The following MPHOSPH10 variants were observed in gnomAD, a reference collection of about 807,000 sequenced individuals.
MPHOSPH10 encodes the protein U3 small nucleolar ribonucleoprotein MPP10.
A neutral mutation model predicts 77.3 loss-of-function variants in MPHOSPH10; 33 were observed. The observed-to-expected ratio is 0.43, with a 90% CI of 0.32 to 0.57. The LOEUF (loss-of-function observed/expected upper bound fraction) is 0.57, where lower values mean the gene tolerates loss of function less well. Ranked by LOEUF, MPHOSPH10 falls within the 20% of genes least tolerant of loss-of-function variation. MPHOSPH10 has a pLI of 0.07. For missense variants in MPHOSPH10, 708 were observed against 780.1 expected (o/e 0.91, Z 1.10); for synonymous variants, 245 against 268.0 (o/e 0.91, Z 0.84).
intron 7 of MPHOSPH10, among the ~76,000 whole-genome samples, chr2:71,142,375 TGAG>T (rs1319124989): frequency 1.3e-5 from 2 of 152,228 alleles, no homozygotes; most frequent in African/African-American, 2.4e-5. Context: ...TTTGAATCTT[TGAG>T]GAGATTGGGT....
intron 2 of MPHOSPH10, 120 bp from the exon 3 acceptor site, chr2:71,133,828 C>T (rs1673434548): frequency 5.7e-6 from 5 of 882,364 alleles, no homozygotes; most frequent in South Asian, 4.6e-5. Flanking sequence ...TAGTTATTAG[C>T]TTGTAGTGTT....
intron 5 of MPHOSPH10, chr2:71,139,340 TGTAATCAGCTTTCTTGTAGTAA>T (rs1287207134): frequency 6.4e-6 from 1 of 156,536 alleles, no homozygotes; most frequent in African/African-American, 2.4e-5. Flanking sequence ...ATGTATAGTT[TGTAATCAGCTTTCTTGTAGTAA>T]TCTGTTTTGA....
intron 8 of MPHOSPH10, 85 bp downstream of exon 8, chr2:71,144,623 G>C: frequency 9.8e-7 from 1 of 1,024,996 alleles, no homozygotes; most frequent in Middle Eastern, 2.1e-4. Context: ...TCTTTATTTT[G>C]TTTCAGGATA....
At chr2:71,145,127 C>A (rs547476895) in intron 8 of MPHOSPH10, among the ~76,000 whole-genome samples, 29 of 152,328 alleles carry the variant, frequency 1.9e-4, no homozygotes, top group African/African-American at 7.0e-4. Context: ...AAATGCTCCT[C>A]CCCTGTCTGT....
chr2:71,137,646 G>A (rs753086511), intron 4 of MPHOSPH10, among the ~76,000 whole-genome samples: 3 of 129,536 alleles, frequency 2.3e-5, no homozygotes, highest in Admixed American at 8.9e-5. Flanking sequence ...GCAACTGAGC[G>A]AGACTGTCTC....
chr2:71,134,404 A>T (rs894994603), intron 3 of MPHOSPH10, among the ~76,000 whole-genome samples: 11 of 152,142 alleles, frequency 7.2e-5, no homozygotes, highest in Non-Finnish European at 1.2e-4. Context: ...TTGATGAATA[A>T]TTTATTTTCT....
Position 71,132,930 on chromosome 2 carries a change from C to T in MPHOSPH10, c.122C>T (p.Ser41Phe). The T allele has an allele frequency of 1.2e-6, 2 of 1,611,070 alleles. No individual in the cohort carries two copies. Among genetic ancestry groups the T allele is most frequent in the Non-Finnish European group, 8.5e-7 (1 of 1,178,198 alleles). ...GAGGGATTGGCATCAAAGTTCACTT[C>T]TTTAACAAAAGTGCTTTATGACTTT... ...IQEGLASKFT[S>F]LTKVLYDFNK... Residue 41 changes from serine (S) to phenylalanine (F), a missense_variant, in exon 2 of 11, where the codon TCT (serine) becomes TTT (phenylalanine). Transcript: ENST00000244230.
intron 4 of MPHOSPH10, among the ~76,000 whole-genome samples, chr2:71,136,848 C>CTTTTTTTTTTTTTTTTTTTTTTTTTTT (rs60456435): frequency 8.4e-6 from 1 of 118,644 alleles, no homozygotes; most frequent in African/African-American, 3.2e-5. Flanking sequence ...AACTTTCAAC[C>CTTTTTTTTTTTTTTTTTTTTTTTTTTT]TTTTTTTTTT....
At chr2:71,145,510 T>G (rs1572901212) in intron 8 of MPHOSPH10, among the ~76,000 whole-genome samples, 2 of 38,286 alleles carry the variant, frequency 5.2e-5, no homozygotes, top group South Asian at 1.0e-3. Context: ...GTTTGTTTGG[T>G]TTTTTTTTTG....
rs748840404 is a variant in MPHOSPH10, at chr2:71,141,379, C to G, written c.1446+10C>G. ...CATCAAACTCAACCAGGTGAGGAAG[C>G]CTGTAAGGCCAAGCCATTATTATTA... On this transcript the variant is annotated intron_variant, in intron 7 of 10. Transcript: ENST00000244230. 2 of 1,499,982 alleles carry G rather than the reference C, an allele frequency of 1.3e-6. No individual in the cohort carries two copies. Among genetic ancestry groups the G allele is most frequent in the African/African-American group, 1.4e-5 (1 of 69,816 alleles). The allele number at this position is 1,499,982 out of a possible 1,614,324, so 92.9% of individuals were successfully genotyped here.
At position 71,133,246 on chromosome 2, in the gene MPHOSPH10, TGAA is replaced by T; in HGVS notation, c.439_441del (p.Glu147del). 1 of 1,614,100 alleles carries T rather than the reference TGAA, an allele frequency of 6.2e-7. No homozygotes were observed. ...TGTCCGACATGGGTAATGATGATCCTGAAATGGGTGAGAGAGCTGAAAACTCAA... is the reference window on the plus strand; with the variant it reads ...TGTCCGACATGGGTAATGATGATCCTATGGGTGAGAGAGCTGAAAACTCAA... On this transcript the variant is annotated inframe_deletion, in exon 2 of 11. Coordinates refer to ENST00000244230, the MANE Select transcript of MPHOSPH10 (RefSeq NM_005791.3).
At chr2:71,147,509 T>TA (rs1255037542) in intron 8 of MPHOSPH10, among the ~76,000 whole-genome samples, 1 of 151,952 alleles carries the variant, frequency 6.6e-6, no homozygotes, top group Non-Finnish European at 1.5e-5. Flanking sequence ...CCATCTCTAC[T>TA]AAAAATACAA....
intron 5 of MPHOSPH10, 49 bp from the exon 6 acceptor site, chr2:71,139,746 A>G (rs357754): frequency 0.32 from 424,891 of 1,336,214 alleles, 68,948 homozygotes; most frequent in Admixed American, 0.42. Flanking sequence ...CACTGAATCA[A>G]TGGTCTAGTG....
intron 8 of MPHOSPH10, among the ~76,000 whole-genome samples, chr2:71,145,267 T>C (rs895710993): frequency 3.9e-5 from 6 of 152,208 alleles, no homozygotes; most frequent in African/African-American, 1.2e-4. Context: ...CTTTGGTGCC[T>C]GTGTTGTTGT....
Position 71,136,913 on chromosome 2 carries a change from A to AACACACACACAC in MPHOSPH10, c.1099-1541_1099-1530dup, listed in dbSNP as rs56768441. Among the ~76,000 whole-genome samples the AACACACACACAC allele has an allele frequency of 6.9e-4, 82 of 119,076 alleles. 1 individual carries two copies. The highest frequency in any genetic ancestry group is 1.0e-3 in the African/African-American group (30 of 29,072). 78.1% of individuals were successfully genotyped at this position (119,076 alleles called of 152,430 possible). On this transcript the variant is annotated intron_variant, in intron 4 of 10. Transcript: ENST00000244230. ...CCAAACCTGACAGAGGTAGCATTAA[A>AACACACACACAC]ACACACACACACACACACACACACA...
At chr2:71,140,770 CT>C (rs1329315267) in intron 6 of MPHOSPH10, among the ~76,000 whole-genome samples, 2 of 152,108 alleles carry the variant, frequency 1.3e-5, no homozygotes, top group Non-Finnish European at 2.9e-5. Flanking sequence ...TTTGCCTACA[CT>C]TGTGGGTCTA....
At chr2:71,144,564 T>C (rs894477790) in intron 8 of MPHOSPH10, 26 bp downstream of exon 8, 1 of 1,535,924 alleles carries the variant, frequency 6.5e-7, no homozygotes, top group South Asian at 1.1e-5. Flanking sequence ...GTTCAGTGTG[T>C]AGCTAGAGCA....
chr2:71,134,907 C>T lies in MPHOSPH10; in HGVS notation c.1098+110C>T, dbSNP rs528673735. 86 of 880,374 alleles carry T rather than the reference C, an allele frequency of 9.8e-5. No homozygotes were observed. The Middle Eastern group carries it at 3.3e-3, about 34-fold the overall frequency. 54.5% of individuals were successfully genotyped at this position (880,374 alleles called of 1,614,324 possible). ...CTTGGCCAGGTGCAGTGGCTCACGC[C>T]TGTAATCCTAACACTTTGGTAGTCC... On this transcript the variant is annotated intron_variant, in intron 4 of 10. Transcript: ENST00000244230.
chr2:71,141,807 A>ATTGCTTGAGGTCAGGAGT (rs1209706590), intron 7 of MPHOSPH10, among the ~76,000 whole-genome samples: 7 of 152,120 alleles, frequency 4.6e-5, no homozygotes, highest in African/African-American at 1.4e-4. Context: ...AGGCGGGCGG[A>ATTGCTTGAGGTCAGGAGT]TTGCTTGAGG....
Sources: allele counts gnomAD v4.1 joint callset (sites outside exome capture counted in the v4.1 genomes callset), GRCh38; gene constraint gnomAD v4.1.1; transcripts MANE v1.5; gene names NCBI Gene and HGNC (gene_info 2026-07-23, HGNC 2026-07-21).